Variants in KCNK3 observed in about 807,000 individuals in gnomAD.
KCNK3 encodes the protein potassium channel subfamily K member 3.
KCNK3 carries 9 observed loss-of-function variants against 27.3 expected under a neutral mutation model. That is an observed-to-expected ratio of 0.33 (90% confidence interval 0.20 to 0.57). KCNK3 has a LOEUF of 0.57. Ranked by LOEUF, KCNK3 falls within the 20% of genes least tolerant of loss-of-function variation. The pLI is 0.87. For synonymous variants in KCNK3, 278 were observed against 273.8 expected, an observed-to-expected ratio of 1.02 and a Z score of -0.15; for missense variants, 391 against 577.7, an observed-to-expected ratio of 0.68 and a Z score of 3.31.
intron 1 of KCNK3, among the ~76,000 whole-genome samples, chr2:26,726,420 G>A (rs1242620034): frequency 6.6e-6 from 1 of 152,172 alleles, no homozygotes; most frequent in Non-Finnish European, 1.5e-5. Flanking sequence ...TAAGCTGTGA[G>A]GAATCCAGGA....
rs75332894 is a variant in KCNK3 at position 26,719,191 on chromosome 2, G to A, written c.284-8476G>A. 9.5e-3 allele frequency among the ~76,000 whole-genome samples: 1,448 copies of A among 152,110 alleles called. 28 individuals carry two copies. Among genetic ancestry groups the A allele is most frequent in the African/African-American group, 0.033 (1,382 of 41,480 alleles). On this transcript the variant is annotated intron_variant, in intron 1 of 1. Coordinates refer to ENST00000302909, the MANE Select transcript of KCNK3 (RefSeq NM_002246.3). ...TTGTTCTGATCTCTGGTTATTTTCC[G>A]AGCAGAGATTCCTAGAAGTGCCACT...
intron 1 of KCNK3, among the ~76,000 whole-genome samples, chr2:26,706,044 T>C (rs575710955): frequency 1.3e-5 from 2 of 152,250 alleles, no homozygotes; most frequent in Admixed American, 6.5e-5. Context: ...CCCCAGGCGA[T>C]TGGAATCTGC....
chr2:26,699,063 G>A (rs10176198), intron 1 of KCNK3, among the ~76,000 whole-genome samples: 2,825 of 151,796 alleles, frequency 0.019, 86 homozygotes, highest in African/African-American at 0.064. Flanking sequence ...CTGTGATCCC[G>A]GCTATGCAGG....
At chr2:26,699,105 G>T (rs1298187810) in intron 1 of KCNK3, among the ~76,000 whole-genome samples, 2 of 151,418 alleles carry the variant, frequency 1.3e-5, no homozygotes, top group Non-Finnish European at 2.9e-5. Flanking sequence ...TTAAACCTGG[G>T]AGGCAGAGGT....
In KCNK3 at chr2:26,728,537, G is replaced by A; in HGVS notation, c.1154G>A (p.Arg385His). Residue 385 changes from arginine to histidine, a missense_variant, in exon 2 of 2, where the codon CGC becomes CAC. Arg to His is a conservative substitution (Grantham distance 29). This residue lies in a region of KCNK3 where 192 missense variants were observed against 196.0 expected (regional missense o/e 0.98). Transcript: ENST00000302909. ...GGTCTGCACAGCCTGTCCACCTTCC[G>A]CGGCCTCATGAAGCGCAGGAGCTCC... ...STGLHSLSTFRGLMKRRSSV is the reference protein window; with the variant it reads ...STGLHSLSTFHGLMKRRSSV 6.8e-7 allele frequency: 1 copy of A among 1,469,530 alleles called. No individual in the cohort carries two copies. The allele number at this position is 1,469,530 out of a possible 1,614,324, so 91.0% of individuals were successfully genotyped here.
In KCNK3 at chr2:26,693,142, C is replaced by A; in HGVS notation, c.267C>A (p.Thr89=). 6.4e-7 allele frequency: 1 copy of A among 1,558,620 alleles called. No homozygotes were observed. ...RFAGSFYFAI[T]VITTIGYGHA... ...CCGGCTCCTTCTACTTCGCCATCAC[C>A]GTCATCACCACCATCGGTAACGGCT... The change falls in exon 1 of 2, where the codon ACC becomes ACA. Residue 89 remains threonine, a synonymous_variant. Transcript: ENST00000302909. This position sits in a 1 kb window ranked among gnomAD's most constrained non-coding sequence, Gnocchi z 5.5.
Position 26,730,363 on chromosome 2 carries a change from T to G in KCNK3, c.*1795T>G, listed in dbSNP as rs1663514304. 1 of 152,230 alleles carries G rather than the reference T, an allele frequency of 6.6e-6. No individual in the cohort carries two copies. 9.4% of individuals were successfully genotyped at this position (152,230 alleles called of 1,614,324 possible). On this transcript the variant is annotated 3_prime_UTR_variant, in exon 2 of 2. Coordinates refer to ENST00000302909, the MANE Select transcript of KCNK3 (RefSeq NM_002246.3). ...GGGGGAGTTTGGACCAGAGGTGCCC[T>G]CTGCCCACCACACCTGCAACCCAGA...
intron 1 of KCNK3, among the ~76,000 whole-genome samples, chr2:26,722,897 T>A (rs1239134104): frequency 6.6e-6 from 1 of 152,152 alleles, no homozygotes; most frequent in African/African-American, 2.4e-5. Flanking sequence ...GGGAACCTCA[T>A]CTCTTGCCCT....
rs1329082252 is a variant in KCNK3 at position 26,732,211 on chromosome 2, G to A, written c.*3643G>A. 1 of 152,038 alleles carries A rather than the reference G, an allele frequency of 6.6e-6. No individual in the cohort carries two copies. Among genetic ancestry groups the A allele is most frequent in the African/African-American group, 2.4e-5 (1 of 41,392 alleles). 9.4% of individuals were successfully genotyped at this position (152,038 alleles called of 1,614,324 possible). ...TCATAGAGTACAATCCACAGTAATA[G>A]CACACAGCTCTGTACCTATCTAGCT... On this transcript the variant is annotated 3_prime_UTR_variant, in exon 2 of 2. Transcript: ENST00000302909.
intron 1 of KCNK3, among the ~76,000 whole-genome samples, chr2:26,716,572 A>G (rs907196034): frequency 2.6e-5 from 4 of 152,096 alleles, no homozygotes; most frequent in African/African-American, 9.7e-5. Context: ...GAAGCCCAAC[A>G]GGCAGAACAA....
intron 1 of KCNK3, among the ~76,000 whole-genome samples, chr2:26,705,391 C>G (rs1339749864): frequency 2.6e-5 from 4 of 152,168 alleles, no homozygotes. Context: ...CATCGAGTGT[C>G]TCTGAGCCTC....
chr2:26,723,912 G>A (rs1263734906), intron 1 of KCNK3, among the ~76,000 whole-genome samples: 1 of 152,234 alleles, frequency 6.6e-6, no homozygotes, highest in Non-Finnish European at 1.5e-5. Flanking sequence ...TCCTCAGAGA[G>A]TCAGCCACAC....
chr2:26,710,161 A>C (rs1479164398), intron 1 of KCNK3, among the ~76,000 whole-genome samples: 1 of 152,130 alleles, frequency 6.6e-6, no homozygotes, highest in Non-Finnish European at 1.5e-5. Flanking sequence ...AGTAACCAAG[A>C]GCTTTGCAGG....
At chr2:26,696,300 C>T (rs909742112) in intron 1 of KCNK3, among the ~76,000 whole-genome samples, 3 of 152,210 alleles carry the variant, frequency 2.0e-5, no homozygotes, top group African/African-American at 4.8e-5. Flanking sequence ...GGAAGGGAAG[C>T]GGCTCCCCCA....
At chr2:26,724,182 T>TC (rs1663371046) in intron 1 of KCNK3, among the ~76,000 whole-genome samples, 1 of 152,082 alleles carries the variant, frequency 6.6e-6, no homozygotes, top group Admixed American at 6.5e-5. Flanking sequence ...GTCCTCACAC[T>TC]CCCTTGCCCT....
In KCNK3 at chr2:26,728,353, T is replaced by C. The variant is rs777532152; in HGVS notation, c.970T>C (p.Ser324Pro). 4.4e-6 allele frequency: 7 copies of C among 1,606,784 alleles called. No homozygotes were observed. The highest frequency in any genetic ancestry group is 2.5e-6 in the Non-Finnish European group (3 of 1,176,958). The change falls in exon 2 of 2, where the codon TCC becomes CCC. Residue 324 changes from serine to proline, a missense_variant. Physicochemically the swap from Ser to Pro is moderately conservative, Grantham distance 74. Around this residue, in one of 4 missense-constraint regions of KCNK3, gnomAD observed 192 missense variants for 196.0 expected, o/e 0.98. Transcript: ENST00000302909. ...WYKSREKLQY[S>P]IPMIIPRDLS... is the part of the protein sequence containing the mutation. ...CAAGAGCCGCGAGAAGCTGCAGTACTCCATCCCCATGATCATCCCGCGGGA... is the reference window on the plus strand; with the variant it reads ...CAAGAGCCGCGAGAAGCTGCAGTACCCCATCCCCATGATCATCCCGCGGGA...
At chr2:26,719,129 T>C (rs1663282530) in intron 1 of KCNK3, among the ~76,000 whole-genome samples, 1 of 152,234 alleles carries the variant, frequency 6.6e-6, no homozygotes, top group Non-Finnish European at 1.5e-5. Flanking sequence ...TTTTTCACAA[T>C]GAAAATGCTG....
chr2:26,700,310 G>A (rs116693164), intron 1 of KCNK3, among the ~76,000 whole-genome samples: 8,093 of 152,262 alleles, frequency 0.053, 332 homozygotes, highest in Non-Finnish European at 0.078. Context: ...TGATGCCACC[G>A]CCTCCCTGTC....
rs1014952249 is a variant in KCNK3, at chr2:26,721,606, C to T, written c.284-6061C>T. On this transcript the variant is annotated intron_variant, in intron 1 of 1. Transcript: ENST00000302909. This position sits in a 1 kb window ranked among gnomAD's most constrained non-coding sequence, Gnocchi z 4.3. ...GCCCTCCCCTGGGTGCCCTCTGAGC[C>T]CAGCTGCCCTCTGCCATCCAGCAGG... is the stretch of plus-strand genomic sequence containing the variant. Among the ~76,000 whole-genome samples the T allele has an allele frequency of 6.6e-6, 1 of 152,162 alleles. No homozygotes were observed. Among genetic ancestry groups the T allele is most frequent in the Non-Finnish European group, 1.5e-5 (1 of 68,032 alleles).
Sources: allele counts gnomAD v4.1 joint callset (sites outside exome capture counted in the v4.1 genomes callset), GRCh38; gene constraint gnomAD v4.1.1; regional missense constraint gnomAD v4.1.1; non-coding constraint Gnocchi (gnomAD v3.1); transcripts MANE v1.5; gene names NCBI Gene and HGNC (gene_info 2026-07-23, HGNC 2026-07-21).